The following CLEC9A variants were observed in gnomAD, a reference collection of about 807,000 sequenced individuals.
CLEC9A encodes the protein C-type lectin domain family 9 member A.
In CLEC9A, 24 loss-of-function variants were observed where a neutral mutation model predicts 30.0. That is an observed-to-expected ratio of 0.80 (90% CI 0.58 to 1.13). CLEC9A has a LOEUF of 1.13. Among genes scored for constraint, CLEC9A ranks in the 50% most tolerant of loss-of-function variants. The probability of loss-of-function intolerance (pLI) is 0.00; values close to 1 mark genes in which losing one functional copy is unlikely to be tolerated. For synonymous variants in CLEC9A, 111 were observed against 96.8 expected, an observed-to-expected ratio of 1.15 and a Z score of -0.86; for missense variants, 251 against 280.9, an observed-to-expected ratio of 0.89 and a Z score of 0.76.
At chr12:10,039,694 C>T (rs961390227) in intron 1 of CLEC9A, among the ~76,000 whole-genome samples, 3 of 152,172 alleles carry the variant, frequency 2.0e-5, no homozygotes, top group Non-Finnish European at 2.9e-5. Context: ...TCCAGTGGCA[C>T]ATTGTAGTCT....
chr12:10,064,683 T>TTTTG (rs779149534), intron 7 of CLEC9A, 49 bp from the exon 8 acceptor site: 1 of 1,561,620 alleles, frequency 6.4e-7, no homozygotes, highest in Non-Finnish European at 8.7e-7. Context: ...TTCACTAGAG[T>TTTTG]TTTGTTTGTT....
At chr12:10,033,924 A>G (rs911222055) in intron 1 of CLEC9A, among the ~76,000 whole-genome samples, 2 of 152,252 alleles carry the variant, frequency 1.3e-5, no homozygotes, top group East Asian at 3.8e-4. Flanking sequence ...GAGTTATCAA[A>G]GGCATAAGGG....
At chr12:10,065,280 T>C (rs1215772549) in intron 8 of CLEC9A, among the ~76,000 whole-genome samples, 1 of 152,224 alleles carries the variant, frequency 6.6e-6, no homozygotes, top group Non-Finnish European at 1.5e-5. Context: ...TGGGTATCTA[T>C]GTTTTCTTTT....
At chr12:10,058,573 C>G (rs1430672434) in intron 5 of CLEC9A, among the ~76,000 whole-genome samples, 1 of 152,130 alleles carries the variant, frequency 6.6e-6, no homozygotes, top group Non-Finnish European at 1.5e-5. Context: ...CTCTGTTGCC[C>G]AGGCCGGAGT....
chr12:10,064,442 T>C (rs1379090606), intron 7 of CLEC9A, among the ~76,000 whole-genome samples: 1 of 152,214 alleles, frequency 6.6e-6, no homozygotes, highest in African/African-American at 2.4e-5. Context: ...AGGTTCAGTA[T>C]AACACTTTCT....
chr12:10,053,223 C>T (rs951958642), intron 4 of CLEC9A, among the ~76,000 whole-genome samples: 1 of 152,174 alleles, frequency 6.6e-6, no homozygotes, highest in Admixed American at 6.5e-5. Flanking sequence ...ATGTTAATTC[C>T]TGTCTGCTGG....
rs138614555 is a variant in CLEC9A, at chr12:10,039,893, G to A, written c.-317-1573G>A. Among the ~76,000 whole-genome samples the A allele has an allele frequency of 3.2e-3, 485 of 151,682 alleles. 1 individual carries two copies. Among genetic ancestry groups the A allele is most frequent in the South Asian group, 6.9e-3 (33 of 4,788 alleles). ...CTGGAGTTGCAGAGGTGCTATTTTG[G>A]CTCACTGCAAACTCTACCTCCCAGG... On this transcript the variant is annotated intron_variant, in intron 1 of 8. Transcript: ENST00000355819.
intron 5 of CLEC9A, among the ~76,000 whole-genome samples, chr12:10,058,578 C>A (rs765747382): frequency 6.6e-6 from 1 of 152,122 alleles, no homozygotes; most frequent in South Asian, 2.1e-4. Context: ...TTGCCCAGGC[C>A]GGAGTGCGGA....
chr12:10,051,296 C>T (rs1307395281), intron 2 of CLEC9A, among the ~76,000 whole-genome samples: 1 of 152,076 alleles, frequency 6.6e-6, no homozygotes, highest in African/African-American at 2.4e-5. Context: ...CAGTTCCAAC[C>T]TGTGCTTTGA....
intron 5 of CLEC9A, among the ~76,000 whole-genome samples, chr12:10,058,139 A>G (rs1344548226): frequency 6.6e-6 from 1 of 152,158 alleles, no homozygotes; most frequent in Non-Finnish European, 1.5e-5. Context: ...CCCTTTCTCC[A>G]GTTTTATTAC....
intron 5 of CLEC9A, among the ~76,000 whole-genome samples, chr12:10,059,459 G>A (rs1441351409): frequency 6.6e-6 from 1 of 152,156 alleles, no homozygotes; most frequent in Non-Finnish European, 1.5e-5. Flanking sequence ...GCATAAAACT[G>A]TCAAACTTTC....
chr12:10,047,650 A>C (rs1865857877), intron 2 of CLEC9A, among the ~76,000 whole-genome samples: 1 of 152,228 alleles, frequency 6.6e-6, no homozygotes, highest in Non-Finnish European at 1.5e-5. Flanking sequence ...CAATTATTGC[A>C]ATAAAGTAAG....
chr12:10,033,027 C>T (rs1865713581), intron 1 of CLEC9A, among the ~76,000 whole-genome samples: 1 of 152,078 alleles, frequency 6.6e-6, no homozygotes, highest in Admixed American at 6.5e-5. Flanking sequence ...CACCATTAAC[C>T]TCCACATGAA....
At chr12:10,031,320 A>G (rs1288681768) in intron 1 of CLEC9A, among the ~76,000 whole-genome samples, 3 of 152,000 alleles carry the variant, frequency 2.0e-5, no homozygotes, top group Non-Finnish European at 4.4e-5. Flanking sequence ...TAGCTTCCTT[A>G]CTCTTGCTCC....
chr12:10,034,782 G>T (rs1051357328), intron 1 of CLEC9A, among the ~76,000 whole-genome samples: 1 of 152,200 alleles, frequency 6.6e-6, no homozygotes, highest in African/African-American at 2.4e-5. Flanking sequence ...TAGTGTCTAG[G>T]AGTAAATGTT....
In CLEC9A at chr12:10,064,737, T is replaced by C. The variant is rs772922709; in HGVS notation, c.477T>C (p.Phe159=). Residue 159 remains phenylalanine, a synonymous_variant, in exon 8 of 9, where the codon TTT becomes TTC. Transcript: ENST00000355819. ...GTTCAATTTTTGTCTCATAGGATTT[T>C]ATCACTGGCAGCTTGAGGAAGATTA... The part of the protein sequence containing the change: ...LQIESKEEMD[F]ITGSLRKIKG... The C allele has an allele frequency of 6.2e-7, 1 of 1,611,472 alleles. No individual in the cohort carries two copies. Among genetic ancestry groups the C allele is most frequent in the Non-Finnish European group, 8.5e-7 (1 of 1,178,776 alleles).
At chr12:10,041,433 C>G in intron 1 of CLEC9A, 33 bp from the exon 2 acceptor site, 1 of 364,464 alleles carries the variant, frequency 2.7e-6, no homozygotes, top group Non-Finnish European at 5.4e-6. Flanking sequence ...AATTTAAAAA[C>G]AACAACAACA....
chr12:10,061,411 T>C, intron 6 of CLEC9A, 138 bp downstream of exon 6: 1 of 765,688 alleles, frequency 1.3e-6, no homozygotes, highest in South Asian at 2.2e-5. Flanking sequence ...TTGGTCACTC[T>C]TCAGTTCAAT....
chr12:10,051,101 A>T (rs1231627998), intron 2 of CLEC9A, among the ~76,000 whole-genome samples: 2 of 151,950 alleles, frequency 1.3e-5, no homozygotes, highest in East Asian at 3.9e-4. Context: ...GCTACTTGGG[A>T]AGCTGAGGCA....
Sources: gnomAD v4.1 joint callset for allele counts (sites outside exome capture counted in the v4.1 genomes callset) on GRCh38, gnomAD v4.1.1 for gene constraint, MANE v1.5 for transcripts, NCBI Gene and HGNC (gene_info 2026-07-23, HGNC 2026-07-21) for gene names.